The following MDGA2 variants were observed in gnomAD, a reference collection of about 807,000 sequenced individuals.
MDGA2 encodes the protein MAM domain containing glycosylphosphatidylinositol anchor 2.
Under a neutral mutation model 117.8 loss-of-function variants are expected in MDGA2, and 40 were observed. The observed-to-expected ratio is 0.34, with a 90% CI of 0.26 to 0.44. The LOEUF is 0.44. Ranked by LOEUF, MDGA2 falls within the 20% of genes least tolerant of loss-of-function variation. The pLI is 1.00. For synonymous variants in MDGA2, 452 were observed against 439.0 expected (o/e 1.03, Z -0.37); for missense variants, 1,123 against 1,250.6 (o/e 0.90, Z 1.54).
At chr14:47,207,408 A>C (rs958629131) in intron 3 of MDGA2, among the ~76,000 whole-genome samples, 6 of 151,954 alleles carry the variant, frequency 3.9e-5, no homozygotes, top group African/African-American at 9.7e-5. Context: ...TTGATCTGGC[A>C]ATAATCTGCA....
chr14:47,373,230 A>G (rs7160193), intron 1 of MDGA2, among the ~76,000 whole-genome samples: 27,677 of 151,956 alleles, frequency 0.18, 2,686 homozygotes, highest in Admixed American at 0.26. Context: ...TAATTCATTC[A>G]ATTAGCTTTG....
At chr14:47,147,164 C>T (rs924951069) in intron 3 of MDGA2, among the ~76,000 whole-genome samples, 2 of 150,944 alleles carry the variant, frequency 1.3e-5, no homozygotes, top group African/African-American at 2.4e-5. Context: ...TGTAGATATA[C>T]ATACTTATAT....
chr14:47,264,707 C>T (rs1035299113), intron 2 of MDGA2, among the ~76,000 whole-genome samples: 1 of 151,718 alleles, frequency 6.6e-6, no homozygotes, highest in African/African-American at 2.4e-5. Context: ...TTGTGGAATA[C>T]ATATGCAGAA....
At chr14:47,204,948 C>T (rs995606441) in intron 3 of MDGA2, among the ~76,000 whole-genome samples, 2 of 151,838 alleles carry the variant, frequency 1.3e-5, no homozygotes, top group African/African-American at 4.8e-5. Context: ...TTGGAGTGGC[C>T]TAAGTCACAA....
intron 4 of MDGA2, among the ~76,000 whole-genome samples, chr14:47,136,085 AC>A (rs1244884397): frequency 6.6e-6 from 1 of 151,994 alleles, no homozygotes. Flanking sequence ...CTTGGAAGAT[AC>A]GTCAAACTTG....
chr14:47,068,507 G>A (rs1299621787), intron 6 of MDGA2, among the ~76,000 whole-genome samples: 3 of 151,030 alleles, frequency 2.0e-5, no homozygotes, highest in Admixed American at 2.0e-4. Context: ...CATGTAAATG[G>A]TATCTGAATT....
At chr14:47,271,299 C>T (rs1045150017) in intron 2 of MDGA2, among the ~76,000 whole-genome samples, 2 of 152,108 alleles carry the variant, frequency 1.3e-5, no homozygotes, top group Non-Finnish European at 2.9e-5. Context: ...CAATTCTGTC[C>T]TATTTCCCCA....
intron 1 of MDGA2, among the ~76,000 whole-genome samples, chr14:47,532,694 A>T (rs1895124578): frequency 6.6e-6 from 1 of 152,330 alleles, no homozygotes; most frequent in African/African-American, 2.4e-5. Context: ...ATACCACTGA[A>T]TATTTTTTTC....
In MDGA2 at chr14:47,168,565, T is replaced by C. The variant is rs191277362; in HGVS notation, c.596-24291A>G. ...TGGATAATTGATGAAAAGTTATTACTAAAGAGAGTGTTGAAACTAATAATA... is the reference window on the plus strand; with the variant it reads ...TGGATAATTGATGAAAAGTTATTACCAAAGAGAGTGTTGAAACTAATAATA... On this transcript the variant is annotated intron_variant, in intron 3 of 16. Coordinates refer to ENST00000399232, the MANE Select transcript of MDGA2 (RefSeq NM_001113498.3). Among the ~76,000 whole-genome samples, 6 of 152,102 alleles carry C rather than the reference T, an allele frequency of 3.9e-5. No individual in the cohort carries two copies. In the East Asian group the frequency reaches 1.2e-3, roughly 29 times the overall value.
chr14:47,373,084 T>A (rs1406444162), intron 1 of MDGA2, among the ~76,000 whole-genome samples: 1 of 152,116 alleles, frequency 6.6e-6, no homozygotes, highest in East Asian at 1.9e-4. Flanking sequence ...GTGTTTTATA[T>A]GTTTATAAGC....
chr14:47,665,571 G>A (rs1028358376), intron 1 of MDGA2, among the ~76,000 whole-genome samples: 1 of 152,212 alleles, frequency 6.6e-6, no homozygotes, highest in African/African-American at 2.4e-5. Flanking sequence ...CTGGGCACTT[G>A]TGGGCCAGCT....
intron 3 of MDGA2, among the ~76,000 whole-genome samples, chr14:47,214,812 T>C (rs754095039): frequency 7.0e-4 from 107 of 152,196 alleles, no homozygotes; most frequent in East Asian, 7.7e-4. Flanking sequence ...TGCTGAGAGG[T>C]ACCCATTTTC....
rs74045200 is a variant in MDGA2, at chr14:47,565,526, G to A, written c.280+108991C>T. Among the ~76,000 whole-genome samples, 1,179 of 152,290 alleles carry A rather than the reference G, an allele frequency of 7.7e-3. 14 individuals are homozygous for A. The highest frequency in any genetic ancestry group is 0.027 in the African/African-American group (1,136 of 41,544). On this transcript the variant is annotated intron_variant, in intron 1 of 16. Coordinates refer to ENST00000399232, the MANE Select transcript of MDGA2 (RefSeq NM_001113498.3). Reference sequence around the variant, plus strand: ...TGAGCTGGAGGGGCCGAGTGAGTCCGCATTCCCAAACCGTTGGTCACAATT... The same window carrying A: ...TGAGCTGGAGGGGCCGAGTGAGTCCACATTCCCAAACCGTTGGTCACAATT...
chr14:47,265,551 G>A (rs1184247876), intron 2 of MDGA2, among the ~76,000 whole-genome samples: 1 of 151,142 alleles, frequency 6.6e-6, no homozygotes, highest in Non-Finnish European at 1.5e-5. Flanking sequence ...TATTTGCTTT[G>A]AAGTTCATGG....
intron 8 of MDGA2, among the ~76,000 whole-genome samples, chr14:47,030,500 A>C (rs1387642372): frequency 1.3e-5 from 2 of 152,050 alleles, no homozygotes; most frequent in African/African-American, 4.8e-5. Flanking sequence ...GGCAACAAGA[A>C]TGAAACTCCA....
At chr14:46,971,252 G>A (rs10137661) in intron 8 of MDGA2, among the ~76,000 whole-genome samples, 86,879 of 151,962 alleles carry the variant, frequency 0.57, 25,654 homozygotes, top group Non-Finnish European at 0.63. Context: ...AAAGGGATAC[G>A]TACCTGAATT....
chr14:47,002,677 C>T (rs1049065439), intron 8 of MDGA2, among the ~76,000 whole-genome samples: 16 of 151,704 alleles, frequency 1.1e-4, no homozygotes, highest in East Asian at 3.9e-4. Context: ...TGCAGTGAGT[C>T]GAGATTACAC....
chr14:46,916,499 C>A (rs1883904436), intron 10 of MDGA2, among the ~76,000 whole-genome samples: 1 of 151,828 alleles, frequency 6.6e-6, no homozygotes, highest in African/African-American at 2.4e-5. Context: ...AAAAGAACTA[C>A]ATCGATTTTA....
At chr14:47,098,780 A>G (rs1353282431) in intron 5 of MDGA2, among the ~76,000 whole-genome samples, 1 of 151,972 alleles carries the variant, frequency 6.6e-6, no homozygotes, top group Non-Finnish European at 1.5e-5. Flanking sequence ...TCAAATTAAA[A>G]GGCCCAAGGC....
Sources: allele counts gnomAD v4.1 joint callset (sites outside exome capture counted in the v4.1 genomes callset), GRCh38; gene constraint gnomAD v4.1.1; transcripts MANE v1.5; gene names NCBI Gene and HGNC (gene_info 2026-07-23, HGNC 2026-07-21).